CEP290: variants seen among roughly 807,000 people sequenced by gnomAD.
The protein encoded by CEP290 is centrosomal protein of 290 kDa.
In CEP290, 317 loss-of-function variants were observed where a neutral mutation model predicts 344.9. That is an observed-to-expected ratio of 0.92 (90% CI 0.84 to 1.01). The LOEUF (loss-of-function observed/expected upper bound fraction) is 1.01. Among genes scored for constraint, CEP290 ranks in the 50% least tolerant of loss-of-function variants. The pLI, the probability that CEP290 is intolerant of heterozygous loss-of-function variation, is 0.00. For synonymous variants in CEP290, 932 were observed against 895.8 expected (o/e 1.04, Z -0.72); for missense variants, 2,754 against 2,761.4 (o/e 1.00, Z 0.06).
chr12:88,118,470 T>C lies in CEP290; in HGVS notation c.1711+13A>G. The C allele has an allele frequency of 6.5e-7, 1 of 1,540,558 alleles. No homozygotes were observed. Among genetic ancestry groups the C allele is most frequent in the Non-Finnish European group, 8.8e-7 (1 of 1,138,890 alleles). On this transcript the variant is annotated intron_variant, in intron 17 of 53. Transcript: ENST00000552810. ...AATAATTCTTTTTAAAGGTTTAGAATAACTGAGTATACCTGAAGTTGCACT... is the reference window on the plus strand; with the variant it reads ...AATAATTCTTTTTAAAGGTTTAGAACAACTGAGTATACCTGAAGTTGCACT...
intron 30 of CEP290, 37 bp from the exon 31 acceptor site, chr12:88,089,524 CA>C: frequency 7.5e-7 from 1 of 1,339,288 alleles, no homozygotes; most frequent in Non-Finnish European, 9.7e-7. Context: ...TAGTAAGTTT[CA>C]AATTTTTCCA....
intron 38 of CEP290, 75 bp downstream of exon 38, chr12:88,080,107 A>G: frequency 1.0e-6 from 1 of 971,326 alleles, no homozygotes; most frequent in Non-Finnish European, 1.5e-6. Flanking sequence ...ATCTTTTATA[A>G]ATTTACAAAT....
chr12:88,091,286 C>T (rs1466309179), intron 29 of CEP290, among the ~76,000 whole-genome samples: 1 of 151,468 alleles, frequency 6.6e-6, no homozygotes, highest in Non-Finnish European at 1.5e-5. Flanking sequence ...CAGTTAAGAA[C>T]ACAGAAATGT....
chr12:88,071,243 T>C, intron 43 of CEP290, 51 bp downstream of exon 43: 1 of 1,421,756 alleles, frequency 7.0e-7, no homozygotes, highest in Non-Finnish European at 9.8e-7. Flanking sequence ...TTTCTAGGGG[T>C]CAACCAGTTT....
In CEP290 at chr12:88,058,969, A is replaced by G. The variant is rs755447230; in HGVS notation, c.6697T>C (p.Leu2233=). The change falls in exon 49 of 54, where the codon TTA becomes CTA. Residue 2233 remains leucine, a synonymous_variant. Coordinates refer to ENST00000552810, the MANE Select transcript of CEP290 (RefSeq NM_025114.4). ...AGTTGAACTGTCATCTTCTCATTTA[A>G]TATCTCTAAATTATTCTTTGCTATC... ...LRIAKNNLEI[L]NEKMTVQLEE... The G allele has an allele frequency of 2.5e-6, 4 of 1,613,180 alleles. No homozygotes were observed. The highest frequency in any genetic ancestry group is 2.7e-5 in the African/African-American group (2 of 74,914).
chr12:88,121,295 T>G (rs888416336), intron 13 of CEP290, 129 bp from the exon 14 acceptor site: 1 of 660,110 alleles, frequency 1.5e-6, no homozygotes, highest in Non-Finnish European at 2.5e-6. Context: ...CATTTTATAT[T>G]TGTAAGATGA....
intron 26 of CEP290, among the ~76,000 whole-genome samples, chr12:88,101,013 A>C (rs2037829474): frequency 1.3e-5 from 2 of 152,166 alleles, no homozygotes; most frequent in Non-Finnish European, 2.9e-5. Context: ...ACAGTTTTTA[A>C]GGCGGGGAGT....
chr12:88,058,746 C>T, intron 49 of CEP290, 102 bp downstream of exon 49: 2 of 1,111,572 alleles, frequency 1.8e-6, no homozygotes, highest in East Asian at 2.5e-5. Context: ...ACAAACTGTT[C>T]ATCAGGAAGA....
At chr12:88,072,021 A>G in intron 41 of CEP290, 95 bp from the exon 42 acceptor site, 1 of 1,137,904 alleles carries the variant, frequency 8.8e-7, no homozygotes, top group Non-Finnish European at 1.2e-6. Flanking sequence ...AAAATTGTAA[A>G]CTAATATTTC....
intron 5 of CEP290, among the ~76,000 whole-genome samples, chr12:88,138,066 T>G (rs950035522): frequency 2.0e-5 from 3 of 152,152 alleles, no homozygotes; most frequent in African/African-American, 7.2e-5. Flanking sequence ...TTCACTATAG[T>G]CTCTCACTCC....
chr12:88,058,779 T>C (rs550787945), intron 49 of CEP290, 69 bp downstream of exon 49: 201 of 1,476,770 alleles, frequency 1.4e-4, no homozygotes, highest in South Asian at 1.2e-3. Context: ...CAGAATAGTG[T>C]TGTCTTTTAA....
chr12:88,086,769 TA>T (rs2036614780), intron 32 of CEP290, among the ~76,000 whole-genome samples: 1 of 121,122 alleles, frequency 8.3e-6, no homozygotes, highest in East Asian at 2.6e-4. Flanking sequence ...TGATGACATA[TA>T]TTATGTGCCA....
At chr12:88,063,009 C>G (rs2034599397) in intron 45 of CEP290, among the ~76,000 whole-genome samples, 1 of 151,572 alleles carries the variant, frequency 6.6e-6, no homozygotes, top group Admixed American at 6.6e-5. Context: ...TGCAATAATA[C>G]AAATTTAGAA....
intron 53 of CEP290, chr12:88,049,635 C>A (rs1592706034): frequency 2.6e-6 from 1 of 377,804 alleles, no homozygotes; most frequent in Non-Finnish European, 4.7e-6. Context: ...AAGTTGTGTT[C>A]TAGTCTTTGA....
In CEP290 at chr12:88,077,742, A is replaced by G. The variant is rs931780353; in HGVS notation, c.5541T>C (p.Asn1847=). The G allele has an allele frequency of 7.6e-6, 12 of 1,578,174 alleles. No homozygotes were observed. The highest frequency in any genetic ancestry group is 1.0e-5 in the Non-Finnish European group (12 of 1,165,514). Residue 1847 remains asparagine, a synonymous_variant, in exon 40 of 54, where the codon AAT becomes AAC. Transcript: ENST00000552810. The part of the protein sequence containing the change: ...LREKEEIDQE[N]DELKRQIKRL... ...TTTTAATTTGCCTTTTCAGTTCATC[A>G]TTCTCTTGATCAATTTCCTCTTTCT... is the stretch of plus-strand genomic sequence containing the variant.
intron 37 of CEP290, among the ~76,000 whole-genome samples, chr12:88,082,387 T>C (rs1189038733): frequency 2.0e-5 from 3 of 152,186 alleles, no homozygotes; most frequent in Admixed American, 6.5e-5. Flanking sequence ...GTAAGTATTA[T>C]TATTTCCATT....
intron 32 of CEP290, 107 bp from the exon 33 acceptor site, chr12:88,086,605 CTG>C (rs1332071891): frequency 7.2e-6 from 5 of 693,660 alleles, no homozygotes; most frequent in Non-Finnish European, 1.1e-5. Flanking sequence ...ATTGAAGAAA[CTG>C]TAATTATTTT....
chr12:88,091,153 AT>A (rs2037007953), intron 29 of CEP290, among the ~76,000 whole-genome samples: 1 of 152,136 alleles, frequency 6.6e-6, no homozygotes, highest in Non-Finnish European at 1.5e-5. Context: ...ACTATATAGT[AT>A]TTTCCAAATG....
At position 88,053,633 on chromosome 12, in the gene CEP290, G is replaced by A. The variant is rs1335302846; in HGVS notation, c.7129+19C>T. 8.3e-7 allele frequency: 1 copy of A among 1,209,948 alleles called. No individual in the cohort carries two copies. The allele number at this position is 1,209,948 out of a possible 1,614,324, so 75.0% of individuals were successfully genotyped here. The stretch of plus-strand genomic sequence containing the variant: ...TCAAAAACTTGGGGGTAGCTAACAT[G>A]TTTTTTAAAATACATTACCAGGTAT... On this transcript the variant is annotated intron_variant, in intron 52 of 53. Transcript: ENST00000552810.
Sources: gnomAD v4.1 joint callset for allele counts (sites outside exome capture counted in the v4.1 genomes callset) on GRCh38, gnomAD v4.1.1 for gene constraint, MANE v1.5 for transcripts, NCBI Gene and HGNC (gene_info 2026-07-23, HGNC 2026-07-21) for gene names.